Variants in HK2 observed in about 807,000 individuals in gnomAD.
HK2 encodes the protein hexokinase-2.
HK2 carries 42 observed loss-of-function variants against 92.9 expected under a neutral mutation model. The observed-to-expected ratio is 0.45, with a 90% CI of 0.35 to 0.58. HK2 has a LOEUF of 0.58. Among genes scored for constraint, HK2 ranks in the 20% least tolerant of loss-of-function variants. The pLI is 0.00. For missense variants in HK2, 978 were observed against 1,245.1 expected (o/e 0.79, Z 3.23); for synonymous variants, 422 against 468.0 (o/e 0.90, Z 1.27).
chr2:74,874,074 T>C, intron 6 of HK2, 131 bp downstream of exon 6: 1 of 965,958 alleles, frequency 1.0e-6, no homozygotes. Flanking sequence ...CCAGTCACTT[T>C]GGAGAGCCGA....
At chr2:74,843,883 T>C (rs11893422) in intron 1 of HK2, among the ~76,000 whole-genome samples, 107,244 of 152,164 alleles carry the variant, frequency 0.7, 38,259 homozygotes, top group African/African-American at 0.82. Context: ...GTCCCCTCCA[T>C]GAAGTCCTGT....
At chr2:74,862,864 T>C (rs1380496367) in intron 2 of HK2, among the ~76,000 whole-genome samples, 1 of 152,154 alleles carries the variant, frequency 6.6e-6, no homozygotes, top group African/African-American at 2.4e-5. Flanking sequence ...TTCTGGGTTG[T>C]GGAGGGAGGT....
intron 12 of HK2, 119 bp from the exon 13 acceptor site, chr2:74,885,375 G>A (rs1689496780): frequency 1.4e-6 from 1 of 740,006 alleles, no homozygotes; most frequent in Non-Finnish European, 2.5e-6. Flanking sequence ...GAGATGATTG[G>A]TGACTCTGGG....
intron 7 of HK2, among the ~76,000 whole-genome samples, chr2:74,875,949 C>A (rs143687846): frequency 6.6e-6 from 1 of 152,214 alleles, no homozygotes; most frequent in Non-Finnish European, 1.5e-5. Flanking sequence ...TCACTACAGA[C>A]AATTTTTGTC....
intron 2 of HK2, among the ~76,000 whole-genome samples, chr2:74,858,778 TGGAGAAA>T (rs1195323470): frequency 6.6e-6 from 1 of 152,240 alleles, no homozygotes; most frequent in African/African-American, 2.4e-5. Flanking sequence ...TTAGAAAATG[TGGAGAAA>T]CCAGAAAGTT....
chr2:74,838,566 T>G (rs1573349309), intron 1 of HK2, among the ~76,000 whole-genome samples: 1 of 139,064 alleles, frequency 7.2e-6, no homozygotes, highest in Admixed American at 7.7e-5. Context: ...TGAGACGGAG[T>G]CTCGCTCTGT....
chr2:74,882,066 G>A (rs776801680), intron 11 of HK2, 54 bp from the exon 12 acceptor site: 5 of 1,572,884 alleles, frequency 3.2e-6, no homozygotes, highest in Non-Finnish European at 4.4e-6. Context: ...CCCTACTGGG[G>A]GCAGCCTGCC....
At chr2:74,842,825 T>G (rs901406500) in intron 1 of HK2, among the ~76,000 whole-genome samples, 1 of 152,250 alleles carries the variant, frequency 6.6e-6, no homozygotes, top group Non-Finnish European at 1.5e-5. Flanking sequence ...GGGACATTAG[T>G]GCACTTCAGG....
At chr2:74,863,686 G>A (rs1688885166) in intron 2 of HK2, among the ~76,000 whole-genome samples, 2 of 152,260 alleles carry the variant, frequency 1.3e-5, no homozygotes, top group South Asian at 4.1e-4. Flanking sequence ...GTCCACTGTT[G>A]TGTGCTAGCA....
Position 74,892,653 on chromosome 2 carries a change from T to G in HK2, c.*1712T>G, listed in dbSNP as rs1475526061. 1 of 152,338 alleles carries G rather than the reference T, an allele frequency of 6.6e-6. No individual in the cohort carries two copies. Among genetic ancestry groups the G allele is most frequent in the East Asian group, 1.9e-4 (1 of 5,190 alleles). The allele number at this position is 152,338 out of a possible 1,614,324, so 9.4% of individuals were successfully genotyped here. ...GTAACTATTGAATTGGATACAAGGA[T>G]CAGAATGGAAAGAAACTCACGATGA... On this transcript the variant is annotated 3_prime_UTR_variant, in exon 18 of 18. Transcript: ENST00000290573.
At position 74,867,368 on chromosome 2, in the gene HK2, CAG is replaced by C. The variant is rs1435742447; in HGVS notation, c.227-265_227-264del. Among the ~76,000 whole-genome samples the C allele has an allele frequency of 1.2e-4, 18 of 151,328 alleles. No individual in the cohort carries two copies. In the East Asian group the frequency reaches 1.6e-3, roughly 13 times the overall value. On this transcript the variant is annotated intron_variant, in intron 2 of 17. Coordinates refer to ENST00000290573, the MANE Select transcript of HK2 (RefSeq NM_000189.5). ...AATAATACAATTGACTTTGGAGACTCAGAGGAAAGGATGGGAAGGGAGTGAGG... is the reference window on the plus strand; with the variant it reads ...AATAATACAATTGACTTTGGAGACTCAGGAAAGGATGGGAAGGGAGTGAGG...
chr2:74,853,989 A>G (rs751801283), intron 1 of HK2, among the ~76,000 whole-genome samples: 1 of 152,126 alleles, frequency 6.6e-6, no homozygotes, highest in Non-Finnish European at 1.5e-5. Context: ...GGCTCCAGTG[A>G]TGTTGTCACA....
rs368283045 is a variant in HK2 at position 74,873,974 on chromosome 2, G to A, written c.691+31G>A. Reference sequence around the variant, plus strand: ...TGAACACCGTGCATGAAGGGCCCGTGCTGGCCAAGGGATGGGGGTGTGGGC... The same window carrying A: ...TGAACACCGTGCATGAAGGGCCCGTACTGGCCAAGGGATGGGGGTGTGGGC... On this transcript the variant is annotated intron_variant, in intron 6 of 17. Coordinates refer to ENST00000290573, the MANE Select transcript of HK2 (RefSeq NM_000189.5). The A allele has an allele frequency of 8.8e-4, 1,345 of 1,525,628 alleles. 3 individuals carry two copies. The highest frequency in any genetic ancestry group is 1.1e-3 in the Non-Finnish European group (1,252 of 1,099,984). The allele number at this position is 1,525,628 out of a possible 1,614,324, so 94.5% of individuals were successfully genotyped here.
At chr2:74,859,153 A>G (rs1688758094) in intron 2 of HK2, among the ~76,000 whole-genome samples, 1 of 152,234 alleles carries the variant, frequency 6.6e-6, no homozygotes, top group African/African-American at 2.4e-5. Context: ...GGTTTGCTTT[A>G]TCAACCCCCC....
chr2:74,877,453 C>T, intron 8 of HK2, 132 bp downstream of exon 8: 1 of 978,494 alleles, frequency 1.0e-6, no homozygotes, highest in South Asian at 1.3e-5. Flanking sequence ...ATGACGTGGA[C>T]CATGGCGGGC....
At chr2:74,835,027 G>C (rs1688120611) in intron 1 of HK2, 1 of 327,226 alleles carries the variant, frequency 3.1e-6, no homozygotes, top group South Asian at 2.8e-5. Flanking sequence ...AGAGCACGTG[G>C]AGAGAATCGT....
chr2:74,844,542 TC>T (rs1240276740), intron 1 of HK2, among the ~76,000 whole-genome samples: 3 of 152,134 alleles, frequency 2.0e-5, no homozygotes, highest in African/African-American at 7.2e-5. Flanking sequence ...GTGGGTGTGA[TC>T]TTGGGGTGGA....
At chr2:74,860,710 G>A (rs1457242392) in intron 2 of HK2, among the ~76,000 whole-genome samples, 6 of 152,152 alleles carry the variant, frequency 3.9e-5, no homozygotes, top group Non-Finnish European at 2.9e-5. Flanking sequence ...TATTGCACAA[G>A]CCCTTTTGTG....
chr2:74,877,265 C>A lies in HK2; in HGVS notation c.975C>A (p.Ser325Arg). 6.2e-7 allele frequency: 1 copy of A among 1,614,114 alleles called. No homozygotes were observed. The highest frequency in any genetic ancestry group is 8.5e-7 in the Non-Finnish European group (1 of 1,180,004). Residue 325 changes from serine (S) to arginine (R), a missense_variant, in exon 8 of 18, where the codon AGC becomes AGA. By Grantham distance (110) the Ser-to-Arg change is moderately radical. Transcript: ENST00000290573. Reference sequence around the variant, plus strand: ...AGCTGCTCTTTGGGGGGAAGCTCAGCCCAGAGCTTCTCAACACCGGTCGCT... The same window carrying A: ...AGCTGCTCTTTGGGGGGAAGCTCAGACCAGAGCTTCTCAACACCGGTCGCT... ...KEELLFGGKL[S>R]PELLNTGRFE...
Sources: gnomAD v4.1 joint callset for allele counts (sites outside exome capture counted in the v4.1 genomes callset) on GRCh38, gnomAD v4.1.1 for gene constraint, MANE v1.5 for transcripts, NCBI Gene and HGNC (gene_info 2026-07-23, HGNC 2026-07-21) for gene names.